EBF2: variants seen among roughly 807,000 people sequenced by gnomAD.
EBF2 encodes the protein EBF transcription factor 2.
A neutral mutation model predicts 72.8 loss-of-function variants in EBF2; 21 were observed. The observed-to-expected ratio is 0.29, with a 90% CI of 0.20 to 0.42. EBF2 has a LOEUF of 0.42. Among genes scored for constraint, EBF2 ranks in the 10% least tolerant of loss-of-function variants. EBF2 has a pLI of 1.00. For synonymous variants in EBF2, 299 were observed against 274.2 expected (o/e 1.09, Z -0.89); for missense variants, 637 against 731.2 (o/e 0.87, Z 1.49).
chr8:26,027,179 A>T (rs558552358), intron 6 of EBF2, among the ~76,000 whole-genome samples: 1 of 152,152 alleles, frequency 6.6e-6, no homozygotes, highest in Non-Finnish European at 1.5e-5. Context: ...TTCTATCTCT[A>T]CCATGATTCT....
chr8:26,014,585 C>T (rs1236160006), intron 6 of EBF2, among the ~76,000 whole-genome samples: 2 of 152,106 alleles, frequency 1.3e-5, no homozygotes, highest in African/African-American at 4.8e-5. Context: ...TTGAGGGTTT[C>T]GATTTTGCTT....
At chr8:25,941,965 CA>C (rs1262377108) in intron 6 of EBF2, among the ~76,000 whole-genome samples, 1 of 152,182 alleles carries the variant, frequency 6.6e-6, no homozygotes, top group African/African-American at 2.4e-5. Flanking sequence ...AGTCAACAAA[CA>C]ATTACTTGAG....
At chr8:25,978,803 C>G (rs1036411978) in intron 6 of EBF2, among the ~76,000 whole-genome samples, 4 of 152,158 alleles carry the variant, frequency 2.6e-5, no homozygotes, top group Admixed American at 2.6e-4. Context: ...AGGGGCCCTT[C>G]GGTGCACAGT....
intron 6 of EBF2, among the ~76,000 whole-genome samples, chr8:25,919,439 C>T (rs1251806896): frequency 6.6e-6 from 1 of 152,074 alleles, no homozygotes; most frequent in Non-Finnish European, 1.5e-5. Flanking sequence ...TTCCACTCAG[C>T]AAAGTCACTA....
chr8:26,037,496 G>A (rs1024204375), intron 5 of EBF2, among the ~76,000 whole-genome samples: 21 of 152,190 alleles, frequency 1.4e-4, no homozygotes, highest in African/African-American at 4.8e-5. Context: ...TAACAAAAGT[G>A]TCTAAATTCA....
At chr8:25,861,440 T>C in intron 11 of EBF2, 66 bp from the exon 12 acceptor site, 1 of 1,580,296 alleles carries the variant, frequency 6.3e-7, no homozygotes, top group South Asian at 1.1e-5. Context: ...AAAAGAAAAT[T>C]ATAGGCAAAA....
intron 7 of EBF2, among the ~76,000 whole-genome samples, chr8:25,903,873 T>G (rs1460315923): frequency 6.6e-6 from 1 of 152,166 alleles, no homozygotes; most frequent in Non-Finnish European, 1.5e-5. Flanking sequence ...CACGTGCTCA[T>G]TAGTCATCCA....
At chr8:26,041,170 G>A (rs187931975) in intron 2 of EBF2, 168 bp from the exon 3 acceptor site, 43 of 720,034 alleles carry the variant, frequency 6.0e-5, no homozygotes, top group Non-Finnish European at 9.7e-5. Context: ...GCCTGTCCTT[G>A]GCCGCCCCCG....
chr8:25,982,155 C>A (rs1804372550), intron 6 of EBF2, among the ~76,000 whole-genome samples: 1 of 152,192 alleles, frequency 6.6e-6, no homozygotes, highest in Admixed American at 6.5e-5. Context: ...GACACCTGGG[C>A]TTCAGTTCCC....
At position 25,980,024 on chromosome 8, in the gene EBF2, T is replaced by C. The variant is rs75566999; in HGVS notation, c.551+53061A>G. Among the ~76,000 whole-genome samples, 507 of 152,308 alleles carry C rather than the reference T, an allele frequency of 3.3e-3. 10 individuals carry two copies. Among genetic ancestry groups the C allele is most frequent in the African/African-American group, 0.012 (487 of 41,552 alleles). On this transcript the variant is annotated intron_variant, in intron 6 of 15. Transcript: ENST00000520164. ...AAAAAAGCTTCATTCTGTGCTGGAC[T>C]CACACAGGCTAATAAAAAGCAGGAC...
chr8:25,983,109 A>G (rs1804389723), intron 6 of EBF2, among the ~76,000 whole-genome samples: 1 of 152,150 alleles, frequency 6.6e-6, no homozygotes. Context: ...CGTTCAAATC[A>G]CAGCATTTTT....
intron 6 of EBF2, among the ~76,000 whole-genome samples, chr8:26,022,635 C>T (rs1340458609): frequency 6.6e-6 from 1 of 152,158 alleles, no homozygotes; most frequent in Admixed American, 6.5e-5. Context: ...GAATTTCTCC[C>T]CTTATTTCCC....
At chr8:26,000,462 G>A (rs753089050) in intron 6 of EBF2, among the ~76,000 whole-genome samples, 1 of 152,178 alleles carries the variant, frequency 6.6e-6, no homozygotes, top group Non-Finnish European at 1.5e-5. Context: ...AGGCCATATT[G>A]TATGAGAAAA....
At chr8:26,030,624 A>C (rs948590055) in intron 6 of EBF2, among the ~76,000 whole-genome samples, 2 of 152,176 alleles carry the variant, frequency 1.3e-5, no homozygotes, top group African/African-American at 4.8e-5. Context: ...TGTTTATAGT[A>C]AGGTGGGCTC....
intron 6 of EBF2, among the ~76,000 whole-genome samples, chr8:26,024,259 C>T (rs896546488): frequency 2.0e-5 from 3 of 152,098 alleles, no homozygotes; most frequent in Admixed American, 6.6e-5. Flanking sequence ...AAATTATCTC[C>T]GCACTTCAGA....
chr8:25,892,510 CT>C (rs1268495191), intron 7 of EBF2, among the ~76,000 whole-genome samples: 1 of 152,206 alleles, frequency 6.6e-6, no homozygotes, highest in Non-Finnish European at 1.5e-5. Context: ...AAAAAGTCAT[CT>C]TGTGTTCCCT....
rs1184205488 is a variant in EBF2 at position 25,844,061 on chromosome 8, A to AT, written c.*547dup. 2.6e-5 allele frequency: 4 copies of AT among 152,326 alleles called. No individual in the cohort carries two copies. The highest frequency in any genetic ancestry group is 3.9e-4 in the East Asian group (2 of 5,172). The allele number at this position is 152,326 out of a possible 1,614,324, so 9.4% of individuals were successfully genotyped here. On this transcript the variant is annotated 3_prime_UTR_variant, in exon 16 of 16. Coordinates refer to ENST00000520164, the MANE Select transcript of EBF2 (RefSeq NM_022659.4). Reference sequence around the variant, plus strand: ...TTAAAATTTTTCCCTTTTTTTGTTCATTTTTTAAAGAGATTAAGCTATAAG... The same window carrying AT: ...TTAAAATTTTTCCCTTTTTTTGTTCATTTTTTTAAAGAGATTAAGCTATAAG...
At chr8:25,913,788 C>G (rs73225925) in intron 6 of EBF2, among the ~76,000 whole-genome samples, 5 of 152,308 alleles carry the variant, frequency 3.3e-5, no homozygotes, top group Non-Finnish European at 4.4e-5. Context: ...TATGGCCTCA[C>G]AGACCACATA....
rs768749028 is a variant in EBF2, at chr8:26,044,745, T to C, written c.115A>G (p.Asn39Asp). The C allele has an allele frequency of 1.9e-6, 3 of 1,614,036 alleles. No individual in the cohort carries two copies. The highest frequency in any genetic ancestry group is 3.3e-5 in the Admixed American group (2 of 60,012). ...WVRNVGVVDA[N>D]VAAQSGVALS... ...TGTCGTTACCTCTGCGCGGCGACAT[T>C]AGCGTCCACCACTCCGACATTCCGG... Residue 39 changes from asparagine to aspartate, a missense_variant, in exon 1 of 16, where the codon AAT becomes GAT. By Grantham distance (23) the Asn-to-Asp change is conservative. Around this residue, in one of 3 missense-constraint regions of EBF2, gnomAD observed 174 missense variants for 161.9 expected, o/e 1.07. Transcript: ENST00000520164. This position sits in a 1 kb window ranked among gnomAD's most constrained non-coding sequence, Gnocchi z 4.1.
Sources: gnomAD v4.1 joint callset for allele counts (sites outside exome capture counted in the v4.1 genomes callset) on GRCh38, gnomAD v4.1.1 for gene constraint, gnomAD v4.1.1 regional missense constraint, Gnocchi (gnomAD v3.1) non-coding constraint, MANE v1.5 for transcripts, NCBI Gene and HGNC (gene_info 2026-07-23, HGNC 2026-07-21) for gene names.